FOCAD: variants seen among roughly 807,000 people sequenced by gnomAD.
The protein encoded by FOCAD is KIAA1797.
A neutral mutation model predicts 225.6 loss-of-function variants in FOCAD; 198 were observed. The observed-to-expected ratio is 0.88, with a 90% CI of 0.78 to 0.99. The LOEUF (loss-of-function observed/expected upper bound fraction) is 0.99. Among genes scored for constraint, FOCAD ranks in the 50% least tolerant of loss-of-function variants. The pLI, the probability that FOCAD is intolerant of heterozygous loss-of-function variation, is 0.00. For missense variants in FOCAD, 2,713 were observed against 2,123.6 expected (o/e 1.28, Z -5.46); for synonymous variants, 897 against 755.0 (o/e 1.19, Z -3.08).
At chr9:20,760,250 C>T (rs1052818660) in intron 6 of FOCAD, among the ~76,000 whole-genome samples, 1 of 152,180 alleles carries the variant, frequency 6.6e-6, no homozygotes, top group African/African-American at 2.4e-5. Context: ...GGAGCATGTT[C>T]CCACCCCTTT....
At chr9:20,762,190 A>C (rs10964688) in intron 6 of FOCAD, among the ~76,000 whole-genome samples, 63,108 of 152,050 alleles carry the variant, frequency 0.42, 13,278 homozygotes, top group East Asian at 0.52. Flanking sequence ...ATACATTATT[A>C]AAGAGAGATG....
chr9:20,775,381 C>T (rs562822759), intron 8 of FOCAD, among the ~76,000 whole-genome samples: 3 of 152,272 alleles, frequency 2.0e-5, no homozygotes, highest in African/African-American at 7.2e-5. Context: ...TGGGAAGGGT[C>T]GGAAACTTCC....
In FOCAD at chr9:20,953,065, G is replaced by C; in HGVS notation, c.4132G>C (p.Gly1378Arg). 6.2e-7 allele frequency: 1 copy of C among 1,611,086 alleles called. No homozygotes were observed. The highest frequency in any genetic ancestry group is 8.5e-7 in the Non-Finnish European group (1 of 1,178,274). The change falls in exon 35 of 44, where the codon GGT becomes CGT. Residue 1378 changes from glycine (G) to arginine (R), a missense_variant and splice_region_variant. Gly to Arg is a moderately radical substitution (Grantham distance 125). Coordinates refer to ENST00000338382, the MANE Select transcript of FOCAD (RefSeq NM_001375567.1). Reference protein sequence around the residue: ...IGFFITGGKKGPESVPPSLLK... With the variant: ...IGFFITGGKKRPESVPPSLLK... ...CTTCTTCATTACAGGAGGAAAAAAAGGCAAGTGAGCACATTTCTTGAATTT... is the reference window on the plus strand; with the variant it reads ...CTTCTTCATTACAGGAGGAAAAAAACGCAAGTGAGCACATTTCTTGAATTT...
chr9:20,911,760 G>A (rs935562429), intron 22 of FOCAD, among the ~76,000 whole-genome samples: 5 of 152,126 alleles, frequency 3.3e-5, no homozygotes, highest in African/African-American at 4.8e-5. Context: ...TTAGGCCGAG[G>A]CATTCTGAGC....
intron 28 of FOCAD, among the ~76,000 whole-genome samples, chr9:20,940,175 A>G (rs907543589): frequency 1.3e-5 from 2 of 152,092 alleles, no homozygotes; most frequent in Admixed American, 1.3e-4. Context: ...CAGGCCCTTC[A>G]AGAAGTCCTT....
At chr9:20,817,923 C>T (rs1191682529) in intron 11 of FOCAD, among the ~76,000 whole-genome samples, 4 of 152,164 alleles carry the variant, frequency 2.6e-5, no homozygotes, top group African/African-American at 2.4e-5. Flanking sequence ...TGCTACATCA[C>T]ATGGTAATTC....
intron 11 of FOCAD, among the ~76,000 whole-genome samples, chr9:20,791,561 T>C (rs1050269483): frequency 1.3e-5 from 2 of 152,320 alleles, no homozygotes; most frequent in African/African-American, 4.8e-5. Context: ...GTCTGGGCAG[T>C]ATTTTCAAGG....
At chr9:20,851,952 A>C (rs1587400515) in intron 15 of FOCAD, among the ~76,000 whole-genome samples, 1 of 151,962 alleles carries the variant, frequency 6.6e-6, no homozygotes, top group East Asian at 1.9e-4. Flanking sequence ...AATAGTGACC[A>C]TGTGGCCCTT....
intron 21 of FOCAD, among the ~76,000 whole-genome samples, chr9:20,903,605 T>A (rs191825469): frequency 1.3e-4 from 20 of 152,114 alleles, no homozygotes; most frequent in Admixed American, 8.5e-4. Context: ...GTTAATTCAC[T>A]AACTTTTTCT....
rs190582040 is a variant in FOCAD at position 20,807,146 on chromosome 9, A to T, written c.1456-12650A>T. ...CAGTGTTTGATGAAAGTTATGTATT[A>T]TTAAAATTATAGTTGATTTTTATAG... On this transcript the variant is annotated intron_variant, in intron 11 of 43. Transcript: ENST00000338382. Among the ~76,000 whole-genome samples the T allele has an allele frequency of 3.0e-3, 454 of 152,362 alleles. 3 individuals are homozygous for T. The highest frequency in any genetic ancestry group is 0.011 in the African/African-American group (440 of 41,596).
At chr9:20,926,659 T>A (rs1170068167) in intron 26 of FOCAD, among the ~76,000 whole-genome samples, 1 of 152,054 alleles carries the variant, frequency 6.6e-6, no homozygotes, top group African/African-American at 2.4e-5. Flanking sequence ...GGCACATGCC[T>A]GTAATCCCAG....
At chr9:20,980,766 G>C (rs996276271) in intron 37 of FOCAD, among the ~76,000 whole-genome samples, 5 of 152,106 alleles carry the variant, frequency 3.3e-5, no homozygotes, top group Admixed American at 3.3e-4. Context: ...TTTTAGACTT[G>C]CTGCCCCTTT....
intron 11 of FOCAD, among the ~76,000 whole-genome samples, chr9:20,800,297 A>G (rs986071462): frequency 6.6e-6 from 1 of 151,880 alleles, no homozygotes; most frequent in African/African-American, 2.4e-5. Flanking sequence ...CCTTCATTTC[A>G]ACTTTGGTGA....
intron 30 of FOCAD, 83 bp from the exon 31 acceptor site, chr9:20,948,188 G>A (rs948109751): frequency 1.4e-5 from 18 of 1,293,500 alleles, no homozygotes; most frequent in Non-Finnish European, 1.8e-5. Context: ...CACTAAAAGT[G>A]TTTATGTTGC....
chr9:20,882,489 C>T (rs557235505), intron 20 of FOCAD, among the ~76,000 whole-genome samples: 8 of 152,280 alleles, frequency 5.3e-5, no homozygotes, highest in Non-Finnish European at 8.8e-5. Context: ...CCCTTTTAGT[C>T]TTCTGATGCT....
At chr9:20,658,347 C>T (rs1821586635) in exon 1 of FOCAD, 1 of 171,838 alleles carries the variant, frequency 5.8e-6, no homozygotes, top group African/African-American at 2.4e-5. Flanking sequence ...CTAATCAAGC[C>T]TGGGCAATGG....
chr9:20,838,595 C>T (rs1339897468), intron 15 of FOCAD, among the ~76,000 whole-genome samples: 7 of 152,084 alleles, frequency 4.6e-5, no homozygotes, highest in Non-Finnish European at 8.8e-5. Flanking sequence ...AGTGCATTTC[C>T]TTCTATTCCA....
intron 15 of FOCAD, among the ~76,000 whole-genome samples, chr9:20,831,728 A>G (rs551071495): frequency 5.0e-4 from 76 of 152,040 alleles, no homozygotes; most frequent in Non-Finnish European, 8.7e-4. Context: ...TAAATATACA[A>G]TTCACCTATC....
chr9:20,811,059 A>T (rs1345293186), intron 11 of FOCAD, among the ~76,000 whole-genome samples: 1 of 152,080 alleles, frequency 6.6e-6, no homozygotes, highest in Non-Finnish European at 1.5e-5. Flanking sequence ...GGCAGATAGT[A>T]GTCTTTTAAT....
Sources: gnomAD v4.1 joint callset for allele counts (sites outside exome capture counted in the v4.1 genomes callset) on GRCh38, gnomAD v4.1.1 for gene constraint, MANE v1.5 for transcripts, NCBI Gene and HGNC (gene_info 2026-07-23, HGNC 2026-07-21) for gene names.